IMMP2L: variants seen among roughly 807,000 people sequenced by gnomAD.
IMMP2L encodes the protein mitochondrial inner membrane protease subunit 2.
IMMP2L carries 18 observed loss-of-function variants against 19.3 expected under a neutral mutation model. The observed-to-expected ratio is 0.93, with a 90% CI of 0.64 to 1.38. IMMP2L has a LOEUF of 1.38. Among genes scored for constraint, IMMP2L ranks in the 40% most tolerant of loss-of-function variants. The probability of loss-of-function intolerance (pLI) is 0.00; values close to 1 mark genes in which losing one functional copy is unlikely to be tolerated. For synonymous variants in IMMP2L, 76 were observed against 73.0 expected, an observed-to-expected ratio of 1.04 and a Z score of -0.21; for missense variants, 233 against 218.2, an observed-to-expected ratio of 1.07 and a Z score of -0.43.
intron 3 of IMMP2L, among the ~76,000 whole-genome samples, chr7:111,402,439 G>A (rs530499075): frequency 1.8e-4 from 28 of 152,064 alleles, no homozygotes; most frequent in African/African-American, 6.5e-4. Context: ...AGATGGGCAC[G>A]GTGGCTCACG....
At chr7:111,321,783 A>G (rs1264032082) in intron 3 of IMMP2L, among the ~76,000 whole-genome samples, 1 of 152,034 alleles carries the variant, frequency 6.6e-6, no homozygotes, top group Non-Finnish European at 1.5e-5. Flanking sequence ...TTATATGCTC[A>G]GCAGTTTATT....
intron 5 of IMMP2L, among the ~76,000 whole-genome samples, chr7:110,697,709 A>C (rs1231841936): frequency 6.6e-6 from 1 of 152,160 alleles, no homozygotes; most frequent in Non-Finnish European, 1.5e-5. Flanking sequence ...TGGGAAGATC[A>C]CTTAAGCCCA....
chr7:111,443,821 G>A (rs1452977567), intron 3 of IMMP2L, among the ~76,000 whole-genome samples: 2 of 151,920 alleles, frequency 1.3e-5, no homozygotes, highest in Non-Finnish European at 2.9e-5. Context: ...TTTCTCTACA[G>A]CCACAGTGAA....
intron 3 of IMMP2L, among the ~76,000 whole-genome samples, chr7:111,170,755 T>G (rs1361244768): frequency 6.6e-5 from 10 of 151,820 alleles, no homozygotes; most frequent in Non-Finnish European, 8.8e-5. Flanking sequence ...TTTTTTAAAT[T>G]TTTTAATTTT....
chr7:111,116,002 C>T (rs1799839447), intron 3 of IMMP2L, among the ~76,000 whole-genome samples: 1 of 152,068 alleles, frequency 6.6e-6, no homozygotes, highest in Non-Finnish European at 1.5e-5. Flanking sequence ...AGAAAACTAT[C>T]CCCATGTAGC....
chr7:111,061,225 G>A (rs1586021948), intron 3 of IMMP2L, among the ~76,000 whole-genome samples: 2 of 152,162 alleles, frequency 1.3e-5, no homozygotes, highest in African/African-American at 4.8e-5. Flanking sequence ...TTAACAGACT[G>A]AAGATAAGTG....
chr7:110,703,850 T>C (rs897124720), intron 5 of IMMP2L, among the ~76,000 whole-genome samples: 1 of 145,408 alleles, frequency 6.9e-6, no homozygotes, highest in South Asian at 2.2e-4. Context: ...AAGAGAATAA[T>C]TTTTTTTTTT....
intron 3 of IMMP2L, among the ~76,000 whole-genome samples, chr7:111,133,906 T>C (rs1802081339): frequency 6.6e-6 from 1 of 152,082 alleles, no homozygotes; most frequent in African/African-American, 2.4e-5. Context: ...ATTTGATTGA[T>C]ATCTAATTTC....
intron 3 of IMMP2L, among the ~76,000 whole-genome samples, chr7:110,978,036 G>T (rs1161725122): frequency 6.6e-6 from 1 of 151,938 alleles, no homozygotes; most frequent in Admixed American, 6.6e-5. Context: ...GTAACAAAAT[G>T]AAAGCAATAA....
chr7:111,197,839 G>A (rs1809671109), intron 3 of IMMP2L, among the ~76,000 whole-genome samples: 1 of 152,112 alleles, frequency 6.6e-6, no homozygotes, highest in African/African-American at 2.4e-5. Flanking sequence ...AATTACTCTT[G>A]ATGCTAGGCA....
chr7:111,387,862 A>C (rs1563131366), intron 3 of IMMP2L, among the ~76,000 whole-genome samples: 1 of 150,964 alleles, frequency 6.6e-6, no homozygotes. Context: ...TGCAGTTCCA[A>C]CTACTCAGGA....
At chr7:111,398,210 C>A (rs1833062680) in intron 3 of IMMP2L, among the ~76,000 whole-genome samples, 1 of 152,052 alleles carries the variant, frequency 6.6e-6, no homozygotes, top group Non-Finnish European at 1.5e-5. Flanking sequence ...TTGATCAACA[C>A]AGATGCTAAA....
At chr7:111,554,759 ACATGCCAG>A (rs1170705930) in intron 1 of IMMP2L, among the ~76,000 whole-genome samples, 1 of 152,024 alleles carries the variant, frequency 6.6e-6, no homozygotes, top group Non-Finnish European at 1.5e-5. Context: ...GATTACAGGT[ACATGCCAG>A]CATGCCTGAC....
intron 3 of IMMP2L, among the ~76,000 whole-genome samples, chr7:111,230,603 G>T (rs1201156997): frequency 1.3e-5 from 2 of 151,988 alleles, no homozygotes; most frequent in Non-Finnish European, 2.9e-5. Context: ...TTAGGTGGTG[G>T]TATACATTTA....
At chr7:110,945,275 CA>C (rs1054411066) in intron 4 of IMMP2L, among the ~76,000 whole-genome samples, 10 of 151,878 alleles carry the variant, frequency 6.6e-5, no homozygotes, top group African/African-American at 2.2e-4. Context: ...ATAAGATTAA[CA>C]TTTTTAAAAA....
chr7:110,823,399 T>C (rs1040243783), intron 5 of IMMP2L, among the ~76,000 whole-genome samples: 29 of 152,018 alleles, frequency 1.9e-4, no homozygotes, highest in African/African-American at 7.0e-4. Context: ...AGAGATTATA[T>C]TACTCAACCC....
intron 3 of IMMP2L, 110 bp from the exon 4 acceptor site, chr7:110,963,675 T>C: frequency 3.7e-6 from 2 of 533,762 alleles, no homozygotes; most frequent in Admixed American, 3.7e-5. Flanking sequence ...ACAGATTCCT[T>C]TGCACCCCAT....
intron 5 of IMMP2L, among the ~76,000 whole-genome samples, chr7:110,824,323 C>T (rs1803276658): frequency 6.6e-6 from 1 of 152,072 alleles, no homozygotes; most frequent in Non-Finnish European, 1.5e-5. Context: ...CAGAAAACTG[C>T]TAATTATTTA....
At chr7:111,135,432 A>G (rs1802239971) in intron 3 of IMMP2L, among the ~76,000 whole-genome samples, 1 of 152,154 alleles carries the variant, frequency 6.6e-6, no homozygotes, top group South Asian at 2.1e-4. Context: ...CCATTCCTCC[A>G]AAGTGAGCAC....
Sources: allele counts gnomAD v4.1 joint callset (sites outside exome capture counted in the v4.1 genomes callset), GRCh38; gene constraint gnomAD v4.1.1; transcripts MANE v1.5; gene names NCBI Gene and HGNC (gene_info 2026-07-23, HGNC 2026-07-21).